PPFIA4: variants seen among roughly 807,000 people sequenced by gnomAD.
The protein encoded by PPFIA4 is PPFI scaffold protein A4, also known as liprin-alpha-4.
PPFIA4 carries 98 observed loss-of-function variants against 145.7 expected under a neutral mutation model. The observed-to-expected ratio is 0.67, with a 90% CI of 0.57 to 0.80. The LOEUF (loss-of-function observed/expected upper bound fraction) is 0.80. Ranked by LOEUF, PPFIA4 falls within the 30% of genes least tolerant of loss-of-function variation. The probability of loss-of-function intolerance (pLI) is 0.00; values close to 1 mark genes in which losing one functional copy is unlikely to be tolerated. For missense variants in PPFIA4, 1,457 were observed against 1,632.7 expected, an observed-to-expected ratio of 0.89 and a Z score of 1.85; for synonymous variants, 628 against 649.6, an observed-to-expected ratio of 0.97 and a Z score of 0.51.
At chr1:203,027,056 C>T (rs1571641657) in intron 1 of PPFIA4, among the ~76,000 whole-genome samples, 1 of 152,210 alleles carries the variant, frequency 6.6e-6, no homozygotes, top group East Asian at 1.9e-4. Context: ...TCGCTCTTCG[C>T]GGGGGTCTTA....
At chr1:203,036,749 C>T (rs541225864) in intron 1 of PPFIA4, among the ~76,000 whole-genome samples, 2 of 152,354 alleles carry the variant, frequency 1.3e-5, no homozygotes, top group African/African-American at 4.8e-5. Context: ...GCAGCAGCCC[C>T]TCCTCTCCAC....
Position 203,055,615 on chromosome 1 carries a change from T to TAA in PPFIA4, c.2014_2015dup (p.Leu673SerfsTer17). 6.2e-7 allele frequency: 1 copy of TAA among 1,613,950 alleles called. No individual in the cohort carries two copies. The highest frequency in any genetic ancestry group is 8.5e-7 in the Non-Finnish European group (1 of 1,179,856). ...CACCACTCAGCGGCCGCTCCACACC[T>TAA]AAGCTCACCTCCCGCAGTGCTGCCC... On this transcript the variant is annotated frameshift_variant, in exon 16 of 30. Coordinates refer to ENST00000295706, the MANE Select transcript of PPFIA4 (RefSeq NM_001304331.2). LOFTEE classifies it high-confidence loss of function. This position sits in a 1 kb window ranked among gnomAD's most constrained non-coding sequence, Gnocchi z 4.8.
At chr1:203,036,773 G>A (rs1413594059) in intron 1 of PPFIA4, among the ~76,000 whole-genome samples, 1 of 152,242 alleles carries the variant, frequency 6.6e-6, no homozygotes, top group Non-Finnish European at 1.5e-5. Flanking sequence ...CAGCTGCTCT[G>A]AGGAGCAGGG....
chr1:203,056,202 A>G, intron 17 of PPFIA4, 47 bp downstream of exon 17: 1 of 1,613,012 alleles, frequency 6.2e-7, no homozygotes, highest in Non-Finnish European at 8.5e-7. Context: ...CACTGCTCCC[A>G]TGCCCTTTCC....
At position 203,045,385 on chromosome 1, in the gene PPFIA4, A is replaced by G. The variant is rs1205433429; in HGVS notation, c.684A>G (p.Val228=). The change falls in exon 7 of 30, where the codon GTA becomes GTG. Residue 228 remains valine, a synonymous_variant. Transcript: ENST00000295706. ...KRLWKEDTGR[V]EELQELLEKQ... is the part of the protein sequence containing the mutation. ...CCCTGGAGGAGGATACGGGCCGGGT[A>G]GAGGAGCTGCAGGAGCTCCTGGAGA... 1.2e-6 allele frequency: 2 copies of G among 1,603,566 alleles called. No homozygotes were observed. Among genetic ancestry groups the G allele is most frequent in the Non-Finnish European group, 1.7e-6 (2 of 1,175,704 alleles).
intron 12 of PPFIA4, 77 bp downstream of exon 12, chr1:203,049,057 C>T (rs2102644244): frequency 7.3e-7 from 1 of 1,366,546 alleles, no homozygotes; most frequent in Non-Finnish European, 1.0e-6. Context: ...GCTTTTAACG[C>T]TGCTGCTCTG....
chr1:203,060,529 C>A lies in PPFIA4; in HGVS notation c.2784+112C>A. ...CAGCATTGAGCCCTGCCCCTTCCTT[C>A]CCATCCTCACAAAGGGCTCTCCCTG... On this transcript the variant is annotated intron_variant, in intron 22 of 29. Transcript: ENST00000295706. The surrounding 1 kb of genome is among the most constrained non-coding windows in gnomAD (Gnocchi z 4.8). 9.1e-7 allele frequency: 1 copy of A among 1,100,944 alleles called. No individual in the cohort carries two copies. Among genetic ancestry groups the A allele is most frequent in the Non-Finnish European group, 1.3e-6 (1 of 751,344 alleles). 68.2% of individuals were successfully genotyped at this position (1,100,944 alleles called of 1,614,324 possible). A position where few individuals can be genotyped will look rare whatever the true frequency, so the allele number is the denominator to read the frequency against.
intron 28 of PPFIA4, among the ~76,000 whole-genome samples, chr1:203,072,089 T>C (rs563966696): frequency 5.3e-5 from 8 of 152,316 alleles, no homozygotes; most frequent in African/African-American, 1.9e-4. Flanking sequence ...GGCCATATCT[T>C]TGGGATCACA....
intron 13 of PPFIA4, 44 bp downstream of exon 13, chr1:203,049,811 A>G: frequency 1.4e-6 from 2 of 1,444,534 alleles, no homozygotes; most frequent in East Asian, 2.6e-5. Context: ...CGGGGTCCTG[A>G]TGGACCGTGA....
At chr1:203,037,595 G>T (rs1177409271) in intron 1 of PPFIA4, among the ~76,000 whole-genome samples, 1 of 152,188 alleles carries the variant, frequency 6.6e-6, no homozygotes, top group African/African-American at 2.4e-5. Context: ...GCTGCATGCG[G>T]CCTTTTTCTC....
At chr1:203,049,541 GC>G (rs1273336628) in intron 12 of PPFIA4, 134 bp from the exon 13 acceptor site, 3 of 747,806 alleles carry the variant, frequency 4.0e-6, no homozygotes, top group Non-Finnish European at 6.0e-6. Flanking sequence ...GGGGCCCCTG[GC>G]TTTGGACTTT....
intron 12 of PPFIA4, 86 bp from the exon 13 acceptor site, chr1:203,049,590 C>T (rs1660343724): frequency 8.6e-7 from 1 of 1,165,806 alleles, no homozygotes. Context: ...CTCTGCTGTC[C>T]TCTTTGTCCC....
At chr1:203,066,876 T>C (rs1661760070) in intron 25 of PPFIA4, among the ~76,000 whole-genome samples, 1 of 152,210 alleles carries the variant, frequency 6.6e-6, no homozygotes, top group South Asian at 2.1e-4. Context: ...ATGGAGCTTA[T>C]GAATTCTAAC....
At chr1:203,051,489 C>A in intron 13 of PPFIA4, 1 of 637,290 alleles carries the variant, frequency 1.6e-6, no homozygotes, top group Non-Finnish European at 2.2e-6. Flanking sequence ...CCAGTTGCAT[C>A]GTAAGCCAAC....
chr1:203,075,827 C>A lies in PPFIA4; in HGVS notation c.3574+70C>A. On this transcript the variant is annotated intron_variant, in intron 29 of 29. Coordinates refer to ENST00000295706, the MANE Select transcript of PPFIA4 (RefSeq NM_001304331.2). This position sits in a 1 kb window ranked among gnomAD's most constrained non-coding sequence, Gnocchi z 4.1. Reference sequence around the variant, plus strand: ...CGGGCTTCTTCCTGGCACCCCAGGGCCGGGCCGGGTGGAGAGGGGCGAGGC... The same window carrying A: ...CGGGCTTCTTCCTGGCACCCCAGGGACGGGCCGGGTGGAGAGGGGCGAGGC... 1 of 1,328,002 alleles carries A rather than the reference C, an allele frequency of 7.5e-7. No individual in the cohort carries two copies. The highest frequency in any genetic ancestry group is 9.7e-7 in the Non-Finnish European group (1 of 1,030,882). The allele number at this position is 1,328,002 out of a possible 1,614,324, so 82.3% of individuals were successfully genotyped here. A position where few individuals can be genotyped will look rare whatever the true frequency, so the allele number is the denominator to read the frequency against.
At chr1:203,074,130 G>A (rs141116036) in intron 28 of PPFIA4, among the ~76,000 whole-genome samples, 2 of 152,200 alleles carry the variant, frequency 1.3e-5, no homozygotes, top group East Asian at 3.9e-4. Context: ...AAAAGGAGGA[G>A]GAAAGAGATA....
At chr1:203,044,513 G>T (rs1446343088) in intron 5 of PPFIA4, 60 bp downstream of exon 5, 1 of 1,504,992 alleles carries the variant, frequency 6.6e-7, no homozygotes, top group Admixed American at 2.0e-5. Context: ...GTTCACCCCT[G>T]TGCCCTACTC....
chr1:203,044,650 G>C (rs760286973), intron 5 of PPFIA4, 46 bp from the exon 6 acceptor site: 9 of 1,509,446 alleles, frequency 6.0e-6, no homozygotes. Context: ...ATGTATGGGA[G>C]GTTCTCTTCT....
At position 203,043,335 on chromosome 1, in the gene PPFIA4, A is replaced by G. The variant is rs1479636094; in HGVS notation, c.235-62A>G. On this transcript the variant is annotated intron_variant, in intron 2 of 29. Transcript: ENST00000295706. This position sits in a 1 kb window ranked among gnomAD's most constrained non-coding sequence, Gnocchi z 4.4. ...TGAGAGGATCCCACCACTGACTTGC[A>G]TGTGCAGGACACTGCTTTGGGGGTG... 1 of 1,428,914 alleles carries G rather than the reference A, an allele frequency of 7.0e-7. No individual in the cohort carries two copies. The highest frequency in any genetic ancestry group is 9.7e-7 in the Non-Finnish European group (1 of 1,033,720). 88.5% of individuals were successfully genotyped at this position (1,428,914 alleles called of 1,614,324 possible). A position where few individuals can be genotyped will look rare whatever the true frequency, so the allele number is the denominator to read the frequency against.
Sources: allele counts gnomAD v4.1 joint callset (sites outside exome capture counted in the v4.1 genomes callset), GRCh38; gene constraint gnomAD v4.1.1; non-coding constraint Gnocchi (gnomAD v3.1); transcripts MANE v1.5; gene names NCBI Gene and HGNC (gene_info 2026-07-23, HGNC 2026-07-21).